Variants in MARCHF1 observed in about 807,000 individuals in gnomAD.
MARCHF1 encodes E3 ubiquitin-protein ligase MARCHF1.
A neutral mutation model predicts 54.2 loss-of-function variants in MARCHF1; 40 were observed. That is an observed-to-expected ratio of 0.74 (90% CI 0.57 to 0.96). The LOEUF (loss-of-function observed/expected upper bound fraction) is 0.96, where lower values mean the gene tolerates loss of function less well. Among genes scored for constraint, MARCHF1 ranks in the 40% least tolerant of loss-of-function variants. The pLI is 0.00. For synonymous variants in MARCHF1, 236 were observed against 236.3 expected, an observed-to-expected ratio of 1.00 and a Z score of 0.01; for missense variants, 586 against 656.5, an observed-to-expected ratio of 0.89 and a Z score of 1.17.
chr4:163,656,844 A>G (rs1440166543), intron 5 of MARCHF1, among the ~76,000 whole-genome samples: 1 of 152,110 alleles, frequency 6.6e-6, no homozygotes, highest in African/African-American at 2.4e-5. Context: ...AAAGGCTTAG[A>G]TAAAATTCAG....
At chr4:164,202,898 G>A (rs1410304697) in intron 1 of MARCHF1, among the ~76,000 whole-genome samples, 1 of 152,118 alleles carries the variant, frequency 6.6e-6, no homozygotes, top group Non-Finnish European at 1.5e-5. Flanking sequence ...TACTCTCTTA[G>A]TTCCTTTTGA....
chr4:164,360,910 C>G (rs1475948535), intron 1 of MARCHF1, among the ~76,000 whole-genome samples: 1 of 151,956 alleles, frequency 6.6e-6, no homozygotes, highest in African/African-American at 2.4e-5. Flanking sequence ...TCTAAATTAT[C>G]TTAGGCAAAT....
At position 163,835,272 on chromosome 4, in the gene MARCHF1, T is replaced by C. The variant is rs527784993; in HGVS notation, c.111+18749A>G. ...TTCTTCTTATCATTTATAATAAATA[T>C]ATAGAAATGGATAAGACCACATTCG... On this transcript the variant is annotated intron_variant, in intron 4 of 9. Transcript: ENST00000514618. 1.3e-4 allele frequency among the ~76,000 whole-genome samples: 20 copies of C among 152,318 alleles called. No individual in the cohort carries two copies. The South Asian group carries it at 3.7e-3, about 28-fold the overall frequency.
intron 2 of MARCHF1, among the ~76,000 whole-genome samples, chr4:164,045,689 A>T (rs1579487473): frequency 6.6e-6 from 1 of 150,988 alleles, no homozygotes. Context: ...GTAAAAAAAA[A>T]AAACAGCAAA....
At chr4:163,534,984 T>G (rs1466060150) in intron 9 of MARCHF1, among the ~76,000 whole-genome samples, 1 of 152,000 alleles carries the variant, frequency 6.6e-6, no homozygotes, top group East Asian at 1.9e-4. Context: ...TTATACTTAT[T>G]TATAAATTTC....
At chr4:164,073,160 G>C (rs1338723228) in intron 2 of MARCHF1, among the ~76,000 whole-genome samples, 1 of 152,200 alleles carries the variant, frequency 6.6e-6, no homozygotes, top group Non-Finnish European at 1.5e-5. Context: ...TAATTTATGA[G>C]CTGAGTTGAT....
At chr4:164,055,993 T>C (rs997736740) in intron 2 of MARCHF1, among the ~76,000 whole-genome samples, 2 of 152,188 alleles carry the variant, frequency 1.3e-5, no homozygotes, top group African/African-American at 4.8e-5. Flanking sequence ...TCAAAGAGCT[T>C]TGCGATGTTT....
intron 3 of MARCHF1, among the ~76,000 whole-genome samples, chr4:163,909,296 T>C (rs899175087): frequency 1.3e-5 from 2 of 152,350 alleles, no homozygotes; most frequent in Non-Finnish European, 2.9e-5. Context: ...TATACTCTTG[T>C]AGCACTCCAG....
intron 2 of MARCHF1, among the ~76,000 whole-genome samples, chr4:164,009,348 C>G (rs999894135): frequency 6.6e-5 from 10 of 152,096 alleles, no homozygotes; most frequent in African/African-American, 2.4e-4. Flanking sequence ...GATAAGTTCC[C>G]TGCTGAATTT....
At chr4:163,973,944 T>C (rs1352505108) in intron 3 of MARCHF1, among the ~76,000 whole-genome samples, 2 of 152,074 alleles carry the variant, frequency 1.3e-5, no homozygotes, top group Admixed American at 6.6e-5. Flanking sequence ...TAGGAAAAAA[T>C]AAGGTAATAC....
chr4:163,600,335 C>A (rs1048222876), intron 7 of MARCHF1, among the ~76,000 whole-genome samples: 2 of 152,096 alleles, frequency 1.3e-5, no homozygotes, highest in Middle Eastern at 3.2e-3. Flanking sequence ...TGGCATGCTT[C>A]TAATAATGTA....
At chr4:164,262,704 C>A (rs1394517995) in intron 1 of MARCHF1, among the ~76,000 whole-genome samples, 1 of 152,134 alleles carries the variant, frequency 6.6e-6, no homozygotes, top group Non-Finnish European at 1.5e-5. Context: ...CAGCATTAGA[C>A]AATGATGCTG....
At chr4:163,698,731 G>A (rs1744710913) in intron 5 of MARCHF1, among the ~76,000 whole-genome samples, 1 of 152,128 alleles carries the variant, frequency 6.6e-6, no homozygotes, top group African/African-American at 2.4e-5. Flanking sequence ...TCAAAGAGCA[G>A]TTTAGAAATG....
chr4:164,143,042 T>G (rs149059798), intron 1 of MARCHF1, among the ~76,000 whole-genome samples: 2 of 145,758 alleles, frequency 1.4e-5, no homozygotes, highest in African/African-American at 2.5e-5. Flanking sequence ...CCTCAGGAGC[T>G]GATGCGATCA....
chr4:164,330,676 T>G (rs1464018289), intron 1 of MARCHF1, among the ~76,000 whole-genome samples: 3 of 152,204 alleles, frequency 2.0e-5, no homozygotes, highest in Non-Finnish European at 4.4e-5. Context: ...GTCCTCTGCA[T>G]GAAGGCAGTA....
chr4:164,365,330 G>A (rs1054883281), intron 1 of MARCHF1, among the ~76,000 whole-genome samples: 15 of 151,936 alleles, frequency 9.9e-5, no homozygotes, highest in African/African-American at 2.4e-4. Context: ...ACTTCCATTC[G>A]ACTGTTTTAA....
intron 1 of MARCHF1, among the ~76,000 whole-genome samples, chr4:164,148,298 A>G (rs1036120563): frequency 3.9e-5 from 6 of 152,134 alleles, no homozygotes; most frequent in Admixed American, 6.6e-5. Context: ...ACAATTCCAA[A>G]ATCAATCAAT....
intron 2 of MARCHF1, among the ~76,000 whole-genome samples, chr4:164,076,136 TAACAACAACAACAACAAC>T (rs57287504): frequency 1.2e-4 from 18 of 150,358 alleles, no homozygotes; most frequent in African/African-American, 7.4e-5. Context: ...AATAATTTTC[TAACAACAACAACAACAAC>T]AACAACAACA....
chr4:164,144,235 C>T (rs975883648), intron 1 of MARCHF1, among the ~76,000 whole-genome samples: 1 of 151,208 alleles, frequency 6.6e-6, no homozygotes, highest in African/African-American at 2.5e-5. Flanking sequence ...GACTTTAACA[C>T]CCCACTGTCA....
Sources: allele counts gnomAD v4.1 joint callset (sites outside exome capture counted in the v4.1 genomes callset), GRCh38; gene constraint gnomAD v4.1.1; transcripts MANE v1.5; gene names NCBI Gene and HGNC (gene_info 2026-07-23, HGNC 2026-07-21).